Variants in XYLT1 observed in about 807,000 individuals in gnomAD.
The protein encoded by XYLT1 is beta-D-xylosyltransferase 1.
XYLT1 carries 36 observed loss-of-function variants against 91.3 expected under a neutral mutation model. That is an observed-to-expected ratio of 0.39 (90% CI 0.30 to 0.52). The LOEUF (loss-of-function observed/expected upper bound fraction) is 0.52, where lower values mean the gene tolerates loss of function less well. XYLT1 is among the 20% of genes least tolerant of loss of function. The pLI is 0.68. For missense variants in XYLT1, 1,242 were observed against 1,284.5 expected (o/e 0.97, Z 0.51); for synonymous variants, 588 against 532.0 (o/e 1.11, Z -1.45).
intron 3 of XYLT1, among the ~76,000 whole-genome samples, chr16:17,213,030 C>G (rs970211686): frequency 6.6e-6 from 1 of 152,192 alleles, no homozygotes; most frequent in African/African-American, 2.4e-5. Context: ...TGGTTTGGAT[C>G]TGTGTCCCCA....
At chr16:17,310,438 A>G (rs2034528744) in intron 2 of XYLT1, among the ~76,000 whole-genome samples, 2 of 152,214 alleles carry the variant, frequency 1.3e-5, no homozygotes, top group African/African-American at 4.8e-5. Flanking sequence ...AGTGACTGGC[A>G]TCTGTCCCCA....
intron 1 of XYLT1, among the ~76,000 whole-genome samples, chr16:17,448,183 C>A (rs2036617171): frequency 6.6e-6 from 1 of 152,198 alleles, no homozygotes; most frequent in Admixed American, 6.5e-5. Context: ...GCCTGGCCAA[C>A]ATAGTGAAAC....
intron 3 of XYLT1, among the ~76,000 whole-genome samples, chr16:17,244,631 G>A (rs781577603): frequency 6.6e-6 from 1 of 152,192 alleles, no homozygotes; most frequent in African/African-American, 2.4e-5. Flanking sequence ...AAGCTCGAAT[G>A]TCCTGGGGCA....
At chr16:17,328,307 G>A (rs1225673756) in intron 2 of XYLT1, among the ~76,000 whole-genome samples, 3 of 151,984 alleles carry the variant, frequency 2.0e-5, no homozygotes, top group African/African-American at 7.2e-5. Flanking sequence ...AGCACTTTGG[G>A]AGGCTGATGT....
intron 2 of XYLT1, among the ~76,000 whole-genome samples, chr16:17,296,214 GAACAA>G (rs539805772): frequency 6.6e-6 from 1 of 151,714 alleles, no homozygotes; most frequent in South Asian, 2.1e-4. Flanking sequence ...CAGTCCAAGG[GAACAA>G]AACAAAACAA....
At chr16:17,397,033 T>C (rs1012819844) in intron 1 of XYLT1, among the ~76,000 whole-genome samples, 31 of 152,178 alleles carry the variant, frequency 2.0e-4, no homozygotes, top group Admixed American at 7.2e-4. Flanking sequence ...GAGGCACAGT[T>C]CAGTAGTTGC....
chr16:17,168,290 G>A (rs1017483315), intron 5 of XYLT1, among the ~76,000 whole-genome samples: 4 of 152,188 alleles, frequency 2.6e-5, no homozygotes, highest in Non-Finnish European at 5.9e-5. Flanking sequence ...GTCCTTTGCT[G>A]CAATATGGAT....
At chr16:17,214,613 G>A (rs1176324296) in intron 3 of XYLT1, among the ~76,000 whole-genome samples, 1 of 152,154 alleles carries the variant, frequency 6.6e-6, no homozygotes, top group African/African-American at 2.4e-5. Context: ...TCTATGATAT[G>A]CCAGGCAGGC....
At chr16:17,318,816 G>A (rs1567372299) in intron 2 of XYLT1, among the ~76,000 whole-genome samples, 1 of 145,970 alleles carries the variant, frequency 6.9e-6, no homozygotes, top group Non-Finnish European at 1.5e-5. Flanking sequence ...CTTCAGATGA[G>A]TCTAACTCTC....
chr16:17,457,166 T>C (rs757359735), intron 1 of XYLT1, among the ~76,000 whole-genome samples: 31 of 152,260 alleles, frequency 2.0e-4, no homozygotes, highest in Non-Finnish European at 4.0e-4. Context: ...TCATTGATTT[T>C]GGCTACTAAT....
chr16:17,127,778 G>T lies in XYLT1; in HGVS notation c.2111C>A (p.Ala704Asp), dbSNP rs780249820. Reference protein sequence around the residue: ...RFQGFLIKHHATNLAVSKLET... With the variant: ...RFQGFLIKHHDTNLAVSKLET... Reference sequence around the variant, plus strand: ...TAGTTTGCTCACAGCCAGATTGGTAGCATGATGCTTGATCAGAAAGCCCTG... The same window carrying T: ...TAGTTTGCTCACAGCCAGATTGGTATCATGATGCTTGATCAGAAAGCCCTG... Residue 704 changes from alanine (A) to aspartate (D), a missense_variant, in exon 10 of 12, where the codon GCT (alanine) becomes GAT (aspartate). Around this residue, in one of 3 missense-constraint regions of XYLT1, gnomAD observed 511 missense variants for 497.0 expected, o/e 1.03. Coordinates refer to ENST00000261381, the MANE Select transcript of XYLT1 (RefSeq NM_022166.4). The T allele has an allele frequency of 3.1e-6, 5 of 1,614,058 alleles. No individual in the cohort carries two copies. In the South Asian group the frequency reaches 5.5e-5, roughly 18 times the overall value.
At chr16:17,185,508 T>C (rs2032164383) in intron 5 of XYLT1, among the ~76,000 whole-genome samples, 1 of 152,226 alleles carries the variant, frequency 6.6e-6, no homozygotes, top group Non-Finnish European at 1.5e-5. Context: ...GCAGGGGAGA[T>C]GGTCACACCC....
chr16:17,154,483 C>T (rs1019658769), intron 6 of XYLT1, among the ~76,000 whole-genome samples: 3 of 152,240 alleles, frequency 2.0e-5, no homozygotes, highest in Non-Finnish European at 2.9e-5. Flanking sequence ...ATTTGAAAAA[C>T]TTCTCTGATG....
chr16:17,436,280 G>A (rs2036458006), intron 1 of XYLT1, among the ~76,000 whole-genome samples: 1 of 152,196 alleles, frequency 6.6e-6, no homozygotes, highest in African/African-American at 2.4e-5. Context: ...CAATTACACG[G>A]TCTAAGAGAT....
At chr16:17,462,463 G>A (rs564648999) in intron 1 of XYLT1, among the ~76,000 whole-genome samples, 10 of 152,250 alleles carry the variant, frequency 6.6e-5, no homozygotes, top group Non-Finnish European at 1.2e-4. Flanking sequence ...GGGGGCAACC[G>A]AACCCAGAGA....
At chr16:17,393,543 G>A (rs976543403) in intron 1 of XYLT1, among the ~76,000 whole-genome samples, 2 of 152,018 alleles carry the variant, frequency 1.3e-5, no homozygotes, top group Non-Finnish European at 2.9e-5. Context: ...TCCCACTGAT[G>A]AGATCATGCT....
intron 2 of XYLT1, among the ~76,000 whole-genome samples, chr16:17,275,094 T>C (rs1282335794): frequency 2.0e-5 from 3 of 152,026 alleles, no homozygotes; most frequent in African/African-American, 7.2e-5. Flanking sequence ...GGAAAAACGC[T>C]TGGACCTGGG....
At chr16:17,274,395 G>A (rs926714417) in intron 2 of XYLT1, among the ~76,000 whole-genome samples, 6 of 152,052 alleles carry the variant, frequency 3.9e-5, no homozygotes, top group Non-Finnish European at 8.8e-5. Context: ...GGTCTGCTGG[G>A]GTTAAAATCA....
chr16:17,259,235 T>A lies in XYLT1; in HGVS notation c.666A>T (p.Arg222Ser). Reference sequence around the variant, plus strand: ...TCCCGTGGCTGCTGTTGGCTGCGGCTCTGTCCCCGGGAGGCAGCACCTCAC... The same window carrying A: ...TCCCGTGGCTGCTGTTGGCTGCGGCACTGTCCCCGGGAGGCAGCACCTCAC... The part of the protein sequence containing the change: ...GPGEVLPPGD[R>S]AAANSSHGKD... The change falls in exon 3 of 12, where the codon AGA (arginine) becomes AGT (serine). Residue 222 changes from arginine to serine, a missense_variant. Around this residue, in one of 3 missense-constraint regions of XYLT1, gnomAD observed 437 missense variants for 411.5 expected, o/e 1.06. Coordinates refer to ENST00000261381, the MANE Select transcript of XYLT1 (RefSeq NM_022166.4). 1 of 1,614,110 alleles carries A rather than the reference T, an allele frequency of 6.2e-7. No individual in the cohort carries two copies. The highest frequency in any genetic ancestry group is 8.5e-7 in the Non-Finnish European group (1 of 1,180,012).
Sources: allele counts gnomAD v4.1 joint callset (sites outside exome capture counted in the v4.1 genomes callset), GRCh38; gene constraint gnomAD v4.1.1; regional missense constraint gnomAD v4.1.1; transcripts MANE v1.5; gene names NCBI Gene and HGNC (gene_info 2026-07-23, HGNC 2026-07-21).